SRPX: variants seen among roughly 807,000 people sequenced by gnomAD.
SRPX encodes the protein sushi repeat containing protein X-linked, also known as sushi repeat-containing protein SRPX.
In SRPX, 24 loss-of-function variants were observed where a neutral mutation model predicts 38.1. The observed-to-expected ratio is 0.63, with a 90% CI of 0.46 to 0.89. The LOEUF is 0.89. Among genes scored for constraint, SRPX ranks in the 40% least tolerant of loss-of-function variants. The pLI, the probability that SRPX is intolerant of heterozygous loss-of-function variation, is 0.00. For missense variants in SRPX, 416 were observed against 377.8 expected (o/e 1.10, Z -0.84); for synonymous variants, 184 against 153.8 (o/e 1.20, Z -1.45).
At chrX:38,199,126 G>A (rs928127338) in intron 1 of SRPX, among the ~76,000 whole-genome samples, 13 of 108,443 alleles carry the variant, frequency 1.2e-4, no homozygotes, top group African/African-American at 3.3e-4. Context: ...TTTAGTGTGG[G>A]CTGGGCGCAG....
chrX:38,201,881 A>C (rs1488672102), intron 1 of SRPX, among the ~76,000 whole-genome samples: 5 of 111,414 alleles, frequency 4.5e-5, no homozygotes, highest in Admixed American at 9.5e-5. Context: ...GTATCCCAGG[A>C]CTAGACTAAA....
intron 1 of SRPX, among the ~76,000 whole-genome samples, chrX:38,190,324 G>A (rs955816242): frequency 1.8e-5 from 2 of 111,953 alleles, no homozygotes; most frequent in African/African-American, 6.5e-5. Flanking sequence ...TGAACATCAT[G>A]AGAATGCCTG....
intron 3 of SRPX, among the ~76,000 whole-genome samples, chrX:38,172,346 G>A (rs1416448935): frequency 7.1e-5 from 8 of 112,739 alleles, no homozygotes; most frequent in African/African-American, 9.7e-5. Context: ...CCAGCTACTC[G>A]GGAGGCTACG....
intron 1 of SRPX, among the ~76,000 whole-genome samples, chrX:38,189,859 G>C (rs976247842): frequency 1.8e-5 from 2 of 112,010 alleles, no homozygotes; most frequent in East Asian, 5.6e-4. Context: ...TACTGCCCCT[G>C]TGAAACTAAC....
chrX:38,203,789 G>T (rs557385098), intron 1 of SRPX, among the ~76,000 whole-genome samples: 16 of 111,691 alleles, frequency 1.4e-4, no homozygotes, highest in African/African-American at 4.9e-4. Context: ...AAGAAAGGAA[G>T]GAAGGCAGGA....
intron 1 of SRPX, among the ~76,000 whole-genome samples, chrX:38,203,795 C>A (rs963034935): frequency 1.8e-5 from 2 of 111,494 alleles, no homozygotes; most frequent in African/African-American, 6.5e-5. Flanking sequence ...GGAAGGAAGG[C>A]AGGAAGGAAG....
rs767915387 is a variant in SRPX at position 38,149,667 on chromosome X, T to C, written c.*44A>G. On this transcript the variant is annotated 3_prime_UTR_variant, in exon 10 of 10. Transcript: ENST00000378533. ...TAAGGCTTTCCCGTGTGCATGTCAC[T>C]ATGTAGACAATGAAGAGGAATTGCC... 2 of 1,143,349 alleles carry C rather than the reference T, an allele frequency of 1.7e-6. No individual in the cohort carries two copies. Among genetic ancestry groups the C allele is most frequent in the Non-Finnish European group, 2.4e-6 (2 of 845,688 alleles). 94.2% of individuals were successfully genotyped at this position (1,143,349 alleles called of 1,213,427 possible).
chrX:38,169,311 T>C (rs745327877), intron 4 of SRPX, among the ~76,000 whole-genome samples: 2 of 111,862 alleles, frequency 1.8e-5, no homozygotes, highest in African/African-American at 6.5e-5. Flanking sequence ...AACTGAATAA[T>C]GCAATGCAGC....
chrX:38,203,268 A>T (rs1030410450), intron 1 of SRPX, among the ~76,000 whole-genome samples: 2 of 111,978 alleles, frequency 1.8e-5, no homozygotes, highest in East Asian at 5.6e-4. Flanking sequence ...GCAATCTAGG[A>T]AGAGAAGAGA....
At chrX:38,204,433 C>T (rs1218375856) in intron 1 of SRPX, among the ~76,000 whole-genome samples, 1 of 112,068 alleles carries the variant, frequency 8.9e-6, no homozygotes, top group Non-Finnish European at 1.9e-5. Context: ...ACAAAAATTT[C>T]CAATTAATTT....
At chrX:38,153,554 C>T (rs1212427420) in intron 9 of SRPX, among the ~76,000 whole-genome samples, 1 of 111,208 alleles carries the variant, frequency 9.0e-6, no homozygotes, top group African/African-American at 3.3e-5. Context: ...TCATTTTCTT[C>T]TTTCTGGCAA....
chrX:38,180,545 T>C (rs1414135865), intron 1 of SRPX, among the ~76,000 whole-genome samples: 3 of 112,200 alleles, frequency 2.7e-5, no homozygotes, highest in African/African-American at 9.7e-5. Flanking sequence ...TCTTCAACTG[T>C]TGTCTGGATA....
Position 38,172,172 on chromosome X carries a change from G to A in SRPX, c.350-115C>T, listed in dbSNP as rs1440213336. On this transcript the variant is annotated intron_variant, in intron 3 of 9. Coordinates refer to ENST00000378533, the MANE Select transcript of SRPX (RefSeq NM_006307.5). ...TGAAAAGTTAATTTAAATATAAGAA[G>A]GCCAGGCGCAGTGGCTCACTCCTGT... The A allele has an allele frequency of 8.3e-6, 7 of 838,626 alleles. No individual in the cohort carries two copies. The East Asian group carries it at 2.4e-4, about 28-fold the overall frequency. 69.1% of individuals were successfully genotyped at this position (838,626 alleles called of 1,213,427 possible). A position where few individuals can be genotyped will look rare whatever the true frequency, so the allele number is the denominator to read the frequency against.
chrX:38,168,633 G>A (rs760630643), intron 4 of SRPX, among the ~76,000 whole-genome samples: 13 of 112,332 alleles, frequency 1.2e-4, no homozygotes, highest in African/African-American at 4.2e-4. Context: ...GATAGAGAAA[G>A]GAAGAGTTCT....
At chrX:38,150,038 C>T in intron 9 of SRPX, 144 bp from the exon 10 acceptor site, 1 of 483,841 alleles carries the variant, frequency 2.1e-6, no homozygotes, top group South Asian at 5.7e-5. Context: ...ACCCTGTCTA[C>T]TCCAACTGTG....
chrX:38,155,771 G>A (rs768295956), intron 8 of SRPX, among the ~76,000 whole-genome samples: 1 of 112,141 alleles, frequency 8.9e-6, no homozygotes, highest in African/African-American at 3.2e-5. Context: ...TGCAATGCCA[G>A]TTTCCCACAA....
At position 38,171,998 on chromosome X, in the gene SRPX, C is replaced by T. The variant is rs901735399; in HGVS notation, c.409G>A (p.Ala137Thr). ...ANGGFKCVDG[A>T]YFNSRCEYYC... ...TACTCACACCGGGAGTTAAAGTAGG[C>T]ACCATCTACACACTTAAACCCTCCA... Residue 137 changes from alanine (A) to threonine (T), a missense_variant, in exon 4 of 10, where the codon GCC becomes ACC. Transcript: ENST00000378533. The T allele has an allele frequency of 8.3e-7, 1 of 1,211,380 alleles. No individual in the cohort carries two copies. The highest frequency in any genetic ancestry group is 1.1e-6 in the Non-Finnish European group (1 of 895,188).
At chrX:38,204,295 A>G (rs2147122657) in intron 1 of SRPX, among the ~76,000 whole-genome samples, 1 of 112,459 alleles carries the variant, frequency 8.9e-6, no homozygotes, top group African/African-American at 3.2e-5. Flanking sequence ...GAATAAAGTT[A>G]GAGGAATCAC....
At chrX:38,212,499 A>G (rs1287045080) in intron 1 of SRPX, among the ~76,000 whole-genome samples, 1 of 111,907 alleles carries the variant, frequency 8.9e-6, no homozygotes, top group Non-Finnish European at 1.9e-5. Context: ...ATGTAGAAGA[A>G]TCATTGGAAG....
Sources: gnomAD v4.1 joint callset for allele counts (sites outside exome capture counted in the v4.1 genomes callset) on GRCh38, gnomAD v4.1.1 for gene constraint, MANE v1.5 for transcripts, NCBI Gene and HGNC (gene_info 2026-07-23, HGNC 2026-07-21) for gene names.